The following RNFT2 variants were observed in gnomAD, a reference collection of about 807,000 sequenced individuals.
The protein encoded by RNFT2 is E3 ubiquitin-protein ligase RNFT2.
A neutral mutation model predicts 53.0 loss-of-function variants in RNFT2; 36 were observed. That is an observed-to-expected ratio of 0.68 (90% CI 0.52 to 0.90). RNFT2 has a LOEUF of 0.90. Among genes scored for constraint, RNFT2 ranks in the 40% least tolerant of loss-of-function variants. The pLI is 0.00. For synonymous variants in RNFT2, 260 were observed against 253.2 expected (o/e 1.03, Z -0.26); for missense variants, 514 against 585.6 (o/e 0.88, Z 1.26).
intron 10 of RNFT2, among the ~76,000 whole-genome samples, chr12:116,842,869 C>T (rs753016301): frequency 3.3e-5 from 5 of 152,126 alleles, no homozygotes; most frequent in East Asian, 1.9e-4. Flanking sequence ...CCACTGTGCC[C>T]GGCGTGTTTA....
At chr12:116,773,162 A>G (rs759167444) in intron 6 of RNFT2, among the ~76,000 whole-genome samples, 9 of 151,938 alleles carry the variant, frequency 5.9e-5, no homozygotes, top group Non-Finnish European at 1.2e-4. Context: ...AGGTTTCACC[A>G]TGTTGGCCAG....
At chr12:116,795,571 G>C (rs908077185) in intron 7 of RNFT2, among the ~76,000 whole-genome samples, 1 of 152,148 alleles carries the variant, frequency 6.6e-6, no homozygotes, top group Non-Finnish European at 1.5e-5. Flanking sequence ...CACGTTTCAA[G>C]GGCTCAAACG....
rs751624015 is a variant in RNFT2 at position 116,754,019 on chromosome 12, G to A, written c.586G>A (p.Ala196Thr). Residue 196 changes from alanine (A) to threonine (T), a missense_variant, in exon 5 of 11, where the codon GCC (alanine) becomes ACC (threonine). By Grantham distance (58) the Ala-to-Thr change is moderately conservative (BLOSUM62 0). Around this residue, in one of 3 missense-constraint regions of RNFT2, gnomAD observed 273 missense variants for 334.4 expected, o/e 0.82. Transcript: ENST00000257575. ...AVCIGMASTF[A>T]YANSTLREQV... ...GTGCATCGGGATGGCCAGCACCTTC[G>A]CCTATGCCAACTCCACGCTTCGAGA... 24 of 1,613,706 alleles carry A rather than the reference G, an allele frequency of 1.5e-5. No homozygotes were observed. Among genetic ancestry groups the A allele is most frequent in the African/African-American group, 8.0e-5 (6 of 74,892 alleles).
intron 5 of RNFT2, among the ~76,000 whole-genome samples, chr12:116,764,619 C>G (rs1009288044): frequency 2.6e-5 from 4 of 152,188 alleles, no homozygotes; most frequent in Non-Finnish European, 5.9e-5. Flanking sequence ...GGGGCAAGGA[C>G]AGTGGCTCAC....
chr12:116,841,589 A>G (rs1341896459), intron 10 of RNFT2, among the ~76,000 whole-genome samples: 2 of 150,078 alleles, frequency 1.3e-5, no homozygotes, highest in African/African-American at 2.5e-5. Flanking sequence ...CTCTACTAAA[A>G]ATACAAAAAT....
intron 7 of RNFT2, among the ~76,000 whole-genome samples, chr12:116,782,718 A>G (rs1297322369): frequency 1.3e-5 from 2 of 152,018 alleles, no homozygotes; most frequent in Non-Finnish European, 2.9e-5. Context: ...ATCCCTGGGA[A>G]GCGGGCACTG....
intron 7 of RNFT2, among the ~76,000 whole-genome samples, chr12:116,795,809 A>G (rs536116471): frequency 6.6e-6 from 1 of 152,334 alleles, no homozygotes; most frequent in South Asian, 2.1e-4. Flanking sequence ...GCTGGAGTCA[A>G]CGAAACTGGG....
At chr12:116,742,312 G>A (rs1489210941) in intron 3 of RNFT2, among the ~76,000 whole-genome samples, 1 of 147,262 alleles carries the variant, frequency 6.8e-6, no homozygotes, top group Non-Finnish European at 1.5e-5. Flanking sequence ...CTGTTGCCCA[G>A]GCTAGAATGC....
Position 116,807,327 on chromosome 12 carries a change from G to A in RNFT2, c.883-26465G>A, listed in dbSNP as rs141974041. Among the ~76,000 whole-genome samples the A allele has an allele frequency of 7.2e-5, 11 of 152,194 alleles. No homozygotes were observed. The East Asian group carries it at 1.2e-3, about 16-fold the overall frequency. ...CCAAGGGAGATGCCATTAGGGACCC[G>A]TGATAGTAATAAAGTAAGAAATATT... is the stretch of plus-strand genomic sequence containing the variant. On this transcript the variant is annotated intron_variant, in intron 7 of 10. Transcript: ENST00000257575.
At chr12:116,832,239 C>T (rs184335399) in intron 7 of RNFT2, among the ~76,000 whole-genome samples, 186 of 150,660 alleles carry the variant, frequency 1.2e-3, no homozygotes, top group African/African-American at 4.2e-3. Flanking sequence ...TCACCCCAGA[C>T]GACCAGGGAT....
At chr12:116,831,126 G>C (rs765676348) in intron 7 of RNFT2, among the ~76,000 whole-genome samples, 18 of 151,240 alleles carry the variant, frequency 1.2e-4, no homozygotes, top group Non-Finnish European at 2.1e-4. Context: ...TTGGGAGCCT[G>C]AGGTAGGAGG....
intron 6 of RNFT2, among the ~76,000 whole-genome samples, chr12:116,768,811 A>G (rs1177242116): frequency 1.3e-5 from 2 of 148,824 alleles, no homozygotes; most frequent in African/African-American, 2.5e-5. Context: ...GCTCACTGCA[A>G]CCTCCGCCTC....
intron 3 of RNFT2, among the ~76,000 whole-genome samples, chr12:116,743,423 C>T (rs947274069): frequency 8.6e-5 from 13 of 151,858 alleles, no homozygotes. Context: ...CGCACCACCA[C>T]GTTTGGCTAA....
intron 10 of RNFT2, among the ~76,000 whole-genome samples, chr12:116,843,592 A>C (rs1877462992): frequency 6.6e-6 from 1 of 150,988 alleles, no homozygotes; most frequent in Admixed American, 6.6e-5. Flanking sequence ...ACCCGATCCT[A>C]TCCTTCCCAG....
At chr12:116,759,369 G>T (rs951188703) in intron 5 of RNFT2, among the ~76,000 whole-genome samples, 1 of 152,142 alleles carries the variant, frequency 6.6e-6, no homozygotes, top group Admixed American at 6.5e-5. Context: ...GTAAATCAGG[G>T]ATTTCTTCTT....
chr12:116,852,750 T>G lies in RNFT2; in HGVS notation c.*3302T>G. 6.3e-7 allele frequency: 1 copy of G among 1,592,544 alleles called. No homozygotes were observed. Among genetic ancestry groups the G allele is most frequent in the Non-Finnish European group, 8.6e-7 (1 of 1,160,346 alleles). ...GTCTGCTGGGAGTCAGACCTGGAAT[T>G]CTGATTCCAAACTCTTTATTACTTT... On this transcript the variant is annotated 3_prime_UTR_variant, in exon 11 of 11. Coordinates refer to ENST00000257575, the MANE Select transcript of RNFT2 (RefSeq NM_001382266.1).
intron 5 of RNFT2, among the ~76,000 whole-genome samples, chr12:116,763,340 C>G (rs1433494802): frequency 6.6e-6 from 1 of 152,108 alleles, no homozygotes; most frequent in Non-Finnish European, 1.5e-5. Context: ...CTTACTCCAG[C>G]AAGAATGGCC....
chr12:116,791,140 C>G (rs1484803369), intron 7 of RNFT2, among the ~76,000 whole-genome samples: 2 of 152,176 alleles, frequency 1.3e-5, no homozygotes, highest in Non-Finnish European at 2.9e-5. Context: ...TTCCCGCTTC[C>G]CACAAGCTCC....
At chr12:116,743,322 A>C (rs895435292) in intron 3 of RNFT2, among the ~76,000 whole-genome samples, 1 of 147,350 alleles carries the variant, frequency 6.8e-6, no homozygotes, top group Admixed American at 6.9e-5. Context: ...GCTGGAGTGC[A>C]GTAGTACAAT....
Sources: allele counts gnomAD v4.1 joint callset (sites outside exome capture counted in the v4.1 genomes callset), GRCh38; gene constraint gnomAD v4.1.1; regional missense constraint gnomAD v4.1.1; transcripts MANE v1.5; gene names NCBI Gene and HGNC (gene_info 2026-07-23, HGNC 2026-07-21).